Variants in MTAP observed in about 807,000 individuals in gnomAD.
The protein encoded by MTAP is methylthioadenosine phosphorylase, also known as S-methyl-5'-thioadenosine phosphorylase.
A neutral mutation model predicts 33.6 loss-of-function variants in MTAP; 33 were observed. That is an observed-to-expected ratio of 0.98 (90% CI 0.74 to 1.31). The LOEUF is 1.31. MTAP is among the 40% of genes most tolerant of loss of function. MTAP has a pLI of 0.00. For missense variants in MTAP, 367 were observed against 360.0 expected (o/e 1.02, Z -0.16); for synonymous variants, 148 against 125.7 (o/e 1.18, Z -1.19).
chr9:21,839,907 A>G (rs1825200773), intron 5 of MTAP, among the ~76,000 whole-genome samples: 1 of 152,230 alleles, frequency 6.6e-6, no homozygotes, highest in Non-Finnish European at 1.5e-5. Context: ...AAAAGCTGGT[A>G]ACAGGAAACA....
intron 4 of MTAP, among the ~76,000 whole-genome samples, chr9:21,834,008 T>C (rs905940505): frequency 6.6e-6 from 1 of 152,228 alleles, no homozygotes; most frequent in East Asian, 1.9e-4. Context: ...TGTTTTTTTT[T>C]ATTTGTCTAC....
intron 1 of MTAP, among the ~76,000 whole-genome samples, chr9:21,889,863 T>C (rs1818171027): frequency 6.6e-6 from 1 of 152,196 alleles, no homozygotes; most frequent in Non-Finnish European, 1.5e-5. Flanking sequence ...TGGTTTTCTC[T>C]AATGCTGGTT....
At chr9:21,918,043 G>A (rs1818718606) in intron 1 of MTAP, among the ~76,000 whole-genome samples, 1 of 152,040 alleles carries the variant, frequency 6.6e-6, no homozygotes, top group Admixed American at 6.6e-5. Flanking sequence ...TAGCTATAAG[G>A]ATGCAAAGGC....
At chr9:21,875,221 T>C (rs1383048881) in intron 1 of MTAP, among the ~76,000 whole-genome samples, 2 of 152,124 alleles carry the variant, frequency 1.3e-5, no homozygotes, top group East Asian at 3.9e-4. Context: ...TCAAATGGTA[T>C]TTCTAGTTCT....
At chr9:21,867,088 C>G (rs546105881), downstream of MTAP, 4 of 152,046 alleles carry the variant, frequency 2.6e-5, no homozygotes, top group East Asian at 5.8e-4. Context: ...AGTAGTAGTT[C>G]TTATTTTTAT....
chr9:21,911,733 A>G (rs959419494), intron 1 of MTAP, among the ~76,000 whole-genome samples: 2 of 152,216 alleles, frequency 1.3e-5, no homozygotes, highest in Non-Finnish European at 2.9e-5. Context: ...GAGAAGGAAG[A>G]GCAAACACAT....
At chr9:21,934,660 C>T (rs1483691597), downstream of MTAP, 1 of 149,672 alleles carries the variant, frequency 6.7e-6, no homozygotes, top group African/African-American at 2.4e-5. The surrounding 1 kb of genome is among the most constrained non-coding windows in gnomAD (Gnocchi z 5.0). Flanking sequence ...TTAAGTATAG[C>T]AGTAAAGCAA....
intron 7 of MTAP, chr9:21,861,694 T>G (rs1452451794): frequency 2.3e-6 from 1 of 431,000 alleles, no homozygotes; most frequent in Non-Finnish European, 4.2e-6. Flanking sequence ...TAATCCAGGC[T>G]GGGGGCTGGT....
At chr9:21,860,413 C>G (rs768968778) in intron 7 of MTAP, 6 of 152,196 alleles carry the variant, frequency 3.9e-5, no homozygotes, top group Non-Finnish European at 8.8e-5. Flanking sequence ...ACTAAGGTGT[C>G]TCTCAGCAGT....
chr9:21,856,643 G>T (rs1339958000), intron 6 of MTAP, among the ~76,000 whole-genome samples: 1 of 152,194 alleles, frequency 6.6e-6, no homozygotes, highest in Non-Finnish European at 1.5e-5. Flanking sequence ...GTAGCCAAAT[G>T]AGGTTGGGGA....
At chr9:21,838,292 T>TA (rs1203300888) in intron 5 of MTAP, among the ~76,000 whole-genome samples, 1 of 152,252 alleles carries the variant, frequency 6.6e-6, no homozygotes, top group Admixed American at 6.5e-5. Flanking sequence ...AATATCACAT[T>TA]ACTCAAGAGT....
At chr9:21,832,705 C>T (rs968511452) in intron 4 of MTAP, among the ~76,000 whole-genome samples, 1 of 152,156 alleles carries the variant, frequency 6.6e-6, no homozygotes, top group East Asian at 1.9e-4. Context: ...TTATTAACTT[C>T]CCATCATACA....
At chr9:21,904,891 T>C (rs1258851320) in intron 1 of MTAP, among the ~76,000 whole-genome samples, 2 of 152,202 alleles carry the variant, frequency 1.3e-5, no homozygotes, top group Non-Finnish European at 2.9e-5. Context: ...GAATATGAAA[T>C]GGGAGAAGTG....
downstream of MTAP, among the ~76,000 whole-genome samples, chr9:21,939,378 C>T (rs1819097561): frequency 6.6e-6 from 1 of 152,112 alleles, no homozygotes; most frequent in African/African-American, 2.4e-5. Flanking sequence ...TCTAATTTTT[C>T]AGATTTAACG....
chr9:21,864,829 A>T lies in MTAP; in HGVS notation c.*2815A>T. On this transcript the variant is annotated 3_prime_UTR_variant, in exon 8 of 8. Transcript: ENST00000644715. The stretch of plus-strand genomic sequence containing the variant: ...CACGTGAGCCTGCTCTGGCATCCAC[A>T]GGATGCTCCTGGAGCCTCTTCTCTG... 2.0e-6 allele frequency: 2 copies of T among 985,504 alleles called. No individual in the cohort carries two copies. Among genetic ancestry groups the T allele is most frequent in the South Asian group, 9.4e-5 (2 of 21,284 alleles). 61.0% of individuals were successfully genotyped at this position (985,504 alleles called of 1,614,324 possible). A position where few individuals can be genotyped will look rare whatever the true frequency, so the allele number is the denominator to read the frequency against.
Position 21,864,055 on chromosome 9 carries a change from C to G in MTAP, c.*2041C>G, listed in dbSNP as rs1440824803. 113 of 985,392 alleles carry G rather than the reference C, an allele frequency of 1.1e-4. No individual in the cohort carries two copies. Among genetic ancestry groups the G allele is most frequent in the Non-Finnish European group, 1.3e-4 (108 of 829,942 alleles). The allele number at this position is 985,392 out of a possible 1,614,324, so 61.0% of individuals were successfully genotyped here. On this transcript the variant is annotated 3_prime_UTR_variant, in exon 8 of 8. Transcript: ENST00000644715. Reference sequence around the variant, plus strand: ...AATATGATACATAGATGGTACCTTACTTTTCCTCATTCTTAATAGGTGTCT... The same window carrying G: ...AATATGATACATAGATGGTACCTTAGTTTTCCTCATTCTTAATAGGTGTCT...
At chr9:21,915,067 T>TTCCTTC (rs1818662166) in intron 1 of MTAP, among the ~76,000 whole-genome samples, 3 of 94,352 alleles carry the variant, frequency 3.2e-5, no homozygotes, top group Non-Finnish European at 1.9e-5. Flanking sequence ...TTTCTTTCTT[T>TTCCTTC]CTTTCTTTCT....
intron 4 of MTAP, among the ~76,000 whole-genome samples, chr9:21,820,525 G>A (rs531845831): frequency 5.9e-5 from 9 of 152,268 alleles, no homozygotes; most frequent in East Asian, 1.9e-4. Context: ...CCAGTACCAC[G>A]CTGTTTTGGT....
Position 21,822,661 on chromosome 9 carries a change from C to A in MTAP, c.347+4459C>A, listed in dbSNP as rs953446618. On this transcript the variant is annotated intron_variant, in intron 4 of 7. Transcript: ENST00000644715. ...TCTGTTAGGTCCGCTTGGTGCAGAG[C>A]TGAATTCAATTCCTGGATATCCTTG... Among the ~76,000 whole-genome samples, 3 of 152,274 alleles carry A rather than the reference C, an allele frequency of 2.0e-5. No individual in the cohort carries two copies. In the South Asian group the frequency reaches 6.2e-4, roughly 32 times the overall value.
Sources: gnomAD v4.1 joint callset for allele counts (sites outside exome capture counted in the v4.1 genomes callset) on GRCh38, gnomAD v4.1.1 for gene constraint, Gnocchi (gnomAD v3.1) non-coding constraint, MANE v1.5 for transcripts, NCBI Gene and HGNC (gene_info 2026-07-23, HGNC 2026-07-21) for gene names.